MBD5: variants seen among roughly 807,000 people sequenced by gnomAD.
The protein encoded by MBD5 is methyl-CpG-binding domain protein 5.
In MBD5, 13 loss-of-function variants were observed where a neutral mutation model predicts 117.3. That is an observed-to-expected ratio of 0.11 (90% CI 0.07 to 0.18). The LOEUF (loss-of-function observed/expected upper bound fraction) is 0.18, where lower values mean the gene tolerates loss of function less well. Ranked by LOEUF, MBD5 falls within the 10% of genes least tolerant of loss-of-function variation. The probability of loss-of-function intolerance (pLI) is 1.00; values close to 1 mark genes in which losing one functional copy is unlikely to be tolerated. For synonymous variants in MBD5, 727 were observed against 766.4 expected (o/e 0.95, Z 0.85); for missense variants, 1,879 against 2,093.8 (o/e 0.90, Z 2.00).
chr2:148,043,521 T>A (rs1161310499), intron 1 of MBD5, among the ~76,000 whole-genome samples: 2 of 152,016 alleles, frequency 1.3e-5, no homozygotes, highest in Non-Finnish European at 2.9e-5. Flanking sequence ...GGCTCAGGAA[T>A]CTCGATTTTA....
intron 6 of MBD5, 115 bp downstream of exon 6, chr2:148,462,799 T>A: frequency 1.4e-6 from 1 of 719,228 alleles, no homozygotes; most frequent in East Asian, 2.7e-5. Flanking sequence ...ACATTTTAAT[T>A]CTTTATCTAA....
chr2:148,120,949 A>G (rs1298726683), intron 1 of MBD5, among the ~76,000 whole-genome samples: 1 of 152,110 alleles, frequency 6.6e-6, no homozygotes, highest in Non-Finnish European at 1.5e-5. Context: ...TTCTATTCCT[A>G]GTTTGTTGGA....
At chr2:148,269,460 TA>T (rs1700932876) in intron 3 of MBD5, among the ~76,000 whole-genome samples, 1 of 151,808 alleles carries the variant, frequency 6.6e-6, no homozygotes, top group Non-Finnish European at 1.5e-5. Flanking sequence ...AGAAAATTTT[TA>T]TTTTACTTTT....
chr2:148,458,912 C>T (rs62184049), intron 5 of MBD5, 41 bp downstream of exon 5: 2 of 1,489,740 alleles, frequency 1.3e-6, no homozygotes, highest in South Asian at 2.3e-5. Context: ...CAAAGTTGTA[C>T]TCCAAAGACT....
At chr2:148,235,893 G>A (rs1436952883) in intron 3 of MBD5, among the ~76,000 whole-genome samples, 1 of 152,020 alleles carries the variant, frequency 6.6e-6, no homozygotes, top group Non-Finnish European at 1.5e-5. Context: ...TGACTTCCTG[G>A]ACTCAAGTGA....
At chr2:148,424,108 G>A (rs1161671319) in intron 4 of MBD5, among the ~76,000 whole-genome samples, 1 of 145,068 alleles carries the variant, frequency 6.9e-6, no homozygotes, top group African/African-American at 2.6e-5. Flanking sequence ...AACCCAGGAG[G>A]CGGAGCTTGC....
rs150138931 is a variant in MBD5, at chr2:148,414,417, T to C, written c.-556-43786T>C. Among the ~76,000 whole-genome samples, 115 of 152,258 alleles carry C rather than the reference T, an allele frequency of 7.6e-4. 2 individuals are homozygous for C. The East Asian group carries it at 0.017, about 22-fold the overall frequency. ...AGTTTTAGAGTTTGTGCCATGTGCA[T>C]ATGAGAAGAATGTATATTCTGTTGT... On this transcript the variant is annotated intron_variant, in intron 4 of 13. Transcript: ENST00000642680.
intron 2 of MBD5, among the ~76,000 whole-genome samples, chr2:148,188,417 T>G (rs565468117): frequency 8.5e-5 from 13 of 152,266 alleles, no homozygotes; most frequent in Non-Finnish European, 1.9e-4. Flanking sequence ...CTAGGCATGA[T>G]GGCCAATGCC....
intron 4 of MBD5, among the ~76,000 whole-genome samples, chr2:148,434,560 A>G (rs1706097545): frequency 6.6e-6 from 1 of 151,792 alleles, no homozygotes; most frequent in African/African-American, 2.4e-5. Context: ...ATGTACTTGT[A>G]TGGTTTTGAG....
chr2:148,213,198 T>C (rs1247927614), intron 2 of MBD5, among the ~76,000 whole-genome samples: 1 of 152,228 alleles, frequency 6.6e-6, no homozygotes, highest in Non-Finnish European at 1.5e-5. Flanking sequence ...TATTATCACT[T>C]AATTTTTTCC....
chr2:148,390,517 A>ATG (rs34870884), intron 4 of MBD5, among the ~76,000 whole-genome samples: 9 of 148,764 alleles, frequency 6.0e-5, no homozygotes, highest in Admixed American at 2.0e-4. Context: ...GTATGTATAT[A>ATG]TGTGTGTGTG....
intron 4 of MBD5, among the ~76,000 whole-genome samples, chr2:148,368,982 C>T (rs996456510): frequency 6.6e-6 from 1 of 152,008 alleles, no homozygotes; most frequent in Non-Finnish European, 1.5e-5. Context: ...GTTACCACCA[C>T]CAATATTGTA....
chr2:148,154,656 C>G (rs76255759), intron 1 of MBD5, among the ~76,000 whole-genome samples: 3 of 152,126 alleles, frequency 2.0e-5, no homozygotes, highest in Non-Finnish European at 4.4e-5. Context: ...TTAAGCTGGT[C>G]GGAAAAGCGC....
intron 2 of MBD5, among the ~76,000 whole-genome samples, chr2:148,199,273 C>G (rs1220633196): frequency 6.6e-6 from 1 of 151,980 alleles, no homozygotes; most frequent in Admixed American, 6.6e-5. Flanking sequence ...AGGTATTAAC[C>G]CCAGTATTGT....
intron 1 of MBD5, among the ~76,000 whole-genome samples, chr2:148,115,567 TTTTTTCTTTCA>T (rs1378114310): frequency 5.3e-5 from 8 of 152,190 alleles, no homozygotes; most frequent in African/African-American, 1.9e-4. Flanking sequence ...GAATTTTCTA[TTTTTTCTTTCA>T]TTTTTCTTTT....
intron 4 of MBD5, among the ~76,000 whole-genome samples, chr2:148,390,455 A>G (rs904049845): frequency 2.6e-5 from 4 of 151,052 alleles, no homozygotes; most frequent in Non-Finnish European, 4.4e-5. Flanking sequence ...ATATGTAAGT[A>G]TATATATGTG....
chr2:148,278,245 CTGAT>C (rs1382119104), intron 3 of MBD5, among the ~76,000 whole-genome samples: 11 of 151,656 alleles, frequency 7.3e-5, no homozygotes, highest in Admixed American at 5.9e-4. Context: ...TTATATGACT[CTGAT>C]TGTTTGGCAC....
intron 1 of MBD5, among the ~76,000 whole-genome samples, chr2:148,062,953 C>A (rs1415243537): frequency 1.3e-5 from 2 of 152,108 alleles, no homozygotes; most frequent in African/African-American, 2.4e-5. Flanking sequence ...AAAATAATTA[C>A]AAATTATCTT....
chr2:148,080,694 G>T (rs2105154903), intron 1 of MBD5, among the ~76,000 whole-genome samples: 1 of 151,974 alleles, frequency 6.6e-6, no homozygotes, highest in African/African-American at 2.4e-5. Flanking sequence ...AAATTTAAAA[G>T]GAAATAAAAT....
Sources: gnomAD v4.1 joint callset for allele counts (sites outside exome capture counted in the v4.1 genomes callset) on GRCh38, gnomAD v4.1.1 for gene constraint, MANE v1.5 for transcripts, NCBI Gene and HGNC (gene_info 2026-07-23, HGNC 2026-07-21) for gene names.